The following ENOX1 variants were observed in gnomAD, a reference collection of about 807,000 sequenced individuals.
The protein encoded by ENOX1 is ecto-NOX disulfide-thiol exchanger 1, also known as candidate growth-related and time keeping constitutive hydroquinone (NADH) oxidase.
ENOX1 carries 42 observed loss-of-function variants against 82.5 expected under a neutral mutation model. That is an observed-to-expected ratio of 0.51 (90% confidence interval 0.40 to 0.66). ENOX1 has a LOEUF of 0.66. Among genes scored for constraint, ENOX1 ranks in the 30% least tolerant of loss-of-function variants. The pLI is 0.00. For synonymous variants in ENOX1, 271 were observed against 282.2 expected (o/e 0.96, Z 0.40); for missense variants, 608 against 811.6 (o/e 0.75, Z 3.05).
At chr13:43,633,475 T>C (rs986714216) in intron 2 of ENOX1, among the ~76,000 whole-genome samples, 4 of 152,150 alleles carry the variant, frequency 2.6e-5, no homozygotes, top group South Asian at 2.1e-4. Context: ...AAATCCCGCA[T>C]TGGGATCCAC....
At chr13:43,477,052 T>TAA (rs67337073) in intron 3 of ENOX1, among the ~76,000 whole-genome samples, 1,568 of 149,782 alleles carry the variant, frequency 0.01, 22 homozygotes, top group African/African-American at 0.035. Context: ...TCTAAAAAAA[T>TAA]AAAAAAAAAA....
chr13:43,696,526 T>C (rs888312440), intron 1 of ENOX1, among the ~76,000 whole-genome samples: 2 of 152,222 alleles, frequency 1.3e-5, no homozygotes, highest in African/African-American at 4.8e-5. Flanking sequence ...TTAGCCATTA[T>C]AGGTAGACAC....
At chr13:43,584,530 G>A (rs532876355) in intron 2 of ENOX1, among the ~76,000 whole-genome samples, 4 of 152,278 alleles carry the variant, frequency 2.6e-5, no homozygotes, top group East Asian at 3.9e-4. Context: ...GGGATCTAAC[G>A]TGATAAACTG....
intron 2 of ENOX1, among the ~76,000 whole-genome samples, chr13:43,557,896 G>T (rs1183948919): frequency 6.6e-6 from 1 of 152,144 alleles, no homozygotes; most frequent in African/African-American, 2.4e-5. Flanking sequence ...AGATTTGTTG[G>T]TTAGGAGATC....
At chr13:43,444,103 G>A (rs1372944800) in intron 3 of ENOX1, among the ~76,000 whole-genome samples, 1 of 152,162 alleles carries the variant, frequency 6.6e-6, no homozygotes, top group East Asian at 1.9e-4. Flanking sequence ...TGTGAGTGGG[G>A]TCGGGGGAGC....
At chr13:43,727,042 C>G (rs2089023644) in intron 1 of ENOX1, among the ~76,000 whole-genome samples, 1 of 152,118 alleles carries the variant, frequency 6.6e-6, no homozygotes, top group African/African-American at 2.4e-5. Flanking sequence ...ATTTTTGTCT[C>G]AAATCCAAAG....
chr13:43,597,351 A>G (rs535521484), intron 2 of ENOX1, among the ~76,000 whole-genome samples: 1 of 152,312 alleles, frequency 6.6e-6, no homozygotes, highest in East Asian at 1.9e-4. Flanking sequence ...GGCCACTGAC[A>G]GGTGGGAATG....
intron 2 of ENOX1, among the ~76,000 whole-genome samples, chr13:43,662,994 A>G (rs1373390842): frequency 2.0e-5 from 3 of 152,220 alleles, no homozygotes; most frequent in Non-Finnish European, 4.4e-5. Flanking sequence ...GGAGGGAAGG[A>G]TTTTGAAAAT....
At chr13:43,656,808 T>A (rs1009427061) in intron 2 of ENOX1, among the ~76,000 whole-genome samples, 1 of 152,200 alleles carries the variant, frequency 6.6e-6, no homozygotes. Context: ...CTTTCTATTT[T>A]TTTTCAGCTA....
At chr13:43,538,511 T>A (rs1023955890) in intron 2 of ENOX1, among the ~76,000 whole-genome samples, 1 of 152,236 alleles carries the variant, frequency 6.6e-6, no homozygotes, top group Non-Finnish European at 1.5e-5. Context: ...GAGGTAATCA[T>A]GTGCTTTTTC....
chr13:43,389,240 G>A (rs1407476578), intron 5 of ENOX1, among the ~76,000 whole-genome samples: 2 of 152,046 alleles, frequency 1.3e-5, no homozygotes, highest in Non-Finnish European at 1.5e-5. Flanking sequence ...TAGTCCAAAT[G>A]GGAAATAAGA....
intron 2 of ENOX1, among the ~76,000 whole-genome samples, chr13:43,616,023 T>G (rs1208112923): frequency 2.0e-5 from 3 of 149,306 alleles, no homozygotes; most frequent in Non-Finnish European, 4.4e-5. Flanking sequence ...TTCCAAGCCT[T>G]TGCTATTGTG....
chr13:43,315,271 GC>G (rs2047413926), intron 11 of ENOX1, among the ~76,000 whole-genome samples: 1 of 152,176 alleles, frequency 6.6e-6, no homozygotes, highest in Non-Finnish European at 1.5e-5. Flanking sequence ...GTTACATGCT[GC>G]TAGAGCGCAA....
intron 12 of ENOX1, among the ~76,000 whole-genome samples, chr13:43,279,961 T>C (rs1248022944): frequency 6.6e-6 from 1 of 152,236 alleles, no homozygotes; most frequent in Admixed American, 6.5e-5. Context: ...AGTAGGAACA[T>C]GTATCAGTGA....
chr13:43,431,277 G>T lies in ENOX1; in HGVS notation c.-74-18289C>A, dbSNP rs779057932. On this transcript the variant is annotated intron_variant, in intron 3 of 16. Coordinates refer to ENST00000690772, the MANE Select transcript of ENOX1 (RefSeq NM_001347969.2). ...AGCTGCTTCTTCTCTTGGAGCTCCC[G>T]CAACACAGATGCTTTTACTCTTCCT... Among the ~76,000 whole-genome samples the T allele has an allele frequency of 3.3e-5, 5 of 152,140 alleles. 1 individual carries two copies. The Middle Eastern group carries it at 0.017, about 517-fold the overall frequency.
chr13:43,449,118 A>G (rs187248359), intron 3 of ENOX1, among the ~76,000 whole-genome samples: 4 of 152,300 alleles, frequency 2.6e-5, no homozygotes, highest in Middle Eastern at 3.4e-3. Flanking sequence ...TAGAGGCCCA[A>G]GTTGCTCTCT....
intron 5 of ENOX1, among the ~76,000 whole-genome samples, chr13:43,391,832 A>C (rs2052797137): frequency 6.6e-6 from 1 of 152,170 alleles, no homozygotes; most frequent in Non-Finnish European, 1.5e-5. Context: ...TTTAACATTA[A>C]ATTCAATCAT....
chr13:43,567,325 A>G (rs1462676149), intron 2 of ENOX1, among the ~76,000 whole-genome samples: 1 of 151,998 alleles, frequency 6.6e-6, no homozygotes, highest in Non-Finnish European at 1.5e-5. Flanking sequence ...CCCTGTCAGT[A>G]TTTGTTTTTT....
chr13:43,570,577 T>G (rs866315706), intron 2 of ENOX1, among the ~76,000 whole-genome samples: 13 of 152,022 alleles, frequency 8.6e-5, no homozygotes, highest in African/African-American at 2.9e-4. Context: ...GCTAAACAGA[T>G]GAGATGAATT....
Sources: allele counts gnomAD v4.1 joint callset (sites outside exome capture counted in the v4.1 genomes callset), GRCh38; gene constraint gnomAD v4.1.1; transcripts MANE v1.5; gene names NCBI Gene and HGNC (gene_info 2026-07-23, HGNC 2026-07-21).